Variants in IL1RAPL2 observed in about 807,000 individuals in gnomAD.
IL1RAPL2 encodes the protein X-linked interleukin-1 receptor accessory protein-like 2.
A neutral mutation model predicts 44.1 loss-of-function variants in IL1RAPL2; 3 were observed. That is an observed-to-expected ratio of 0.07 (90% CI 0.03 to 0.18). The LOEUF is 0.18. Among genes scored for constraint, IL1RAPL2 ranks in the 10% least tolerant of loss-of-function variants. IL1RAPL2 has a pLI of 1.00. For missense variants in IL1RAPL2, 391 were observed against 496.4 expected (o/e 0.79, Z 2.02); for synonymous variants, 181 against 178.8 (o/e 1.01, Z -0.10).
chrX:105,037,896 C>T (rs16984608), intron 2 of IL1RAPL2, among the ~76,000 whole-genome samples: 7,018 of 111,231 alleles, frequency 0.063, 602 homozygotes, highest in African/African-American at 0.22. Context: ...CTTTTGAACA[C>T]AACTAGAGGA....
At chrX:104,699,482 C>T (rs961278859) in intron 2 of IL1RAPL2, among the ~76,000 whole-genome samples, 3 of 111,550 alleles carry the variant, frequency 2.7e-5, no homozygotes, top group Non-Finnish European at 5.6e-5. Context: ...TGACAGGAGG[C>T]GGAGTTCAGG....
chrX:105,065,016 A>G (rs981210513), intron 2 of IL1RAPL2, among the ~76,000 whole-genome samples: 2 of 112,615 alleles, frequency 1.8e-5, no homozygotes, highest in African/African-American at 6.5e-5. Flanking sequence ...TACTGACACT[A>G]AATAATTTTA....
In IL1RAPL2 at chrX:105,293,274, G is replaced by A. The variant is rs918563180; in HGVS notation, c.697+25733G>A. 2.7e-5 allele frequency among the ~76,000 whole-genome samples: 3 copies of A among 111,856 alleles called. No homozygotes were observed. In the East Asian group the frequency reaches 8.4e-4, roughly 31 times the overall value. On this transcript the variant is annotated intron_variant, in intron 5 of 10. Coordinates refer to ENST00000372582, the MANE Select transcript of IL1RAPL2 (RefSeq NM_017416.2). ...TTTTATACACATAGGCAGTGTTCGT[G>A]CAACTGTCCTGTGACTTGGTTTTTG...
chrX:105,745,752 T>C (rs927261667), intron 8 of IL1RAPL2, among the ~76,000 whole-genome samples: 1 of 111,349 alleles, frequency 9.0e-6, no homozygotes, highest in East Asian at 2.8e-4. Context: ...GGCTCAGTCA[T>C]AGCACACTGC....
At chrX:105,320,032 T>G (rs1306976013) in intron 5 of IL1RAPL2, among the ~76,000 whole-genome samples, 1 of 110,949 alleles carries the variant, frequency 9.0e-6, no homozygotes, top group Non-Finnish European at 1.9e-5. Flanking sequence ...GTGTACAGAC[T>G]TATATAAGGT....
At chrX:105,062,511 C>T (rs1189024401) in intron 2 of IL1RAPL2, among the ~76,000 whole-genome samples, 1 of 111,395 alleles carries the variant, frequency 9.0e-6, no homozygotes, top group East Asian at 2.8e-4. Flanking sequence ...TGTCTTTGTA[C>T]TTACTATTAC....
At chrX:105,241,445 T>G (rs1160963362) in intron 4 of IL1RAPL2, among the ~76,000 whole-genome samples, 1 of 111,729 alleles carries the variant, frequency 9.0e-6, no homozygotes, top group Non-Finnish European at 1.9e-5. Flanking sequence ...CAAAAATCTT[T>G]CATTATTCTT....
rs778181172 is a variant in IL1RAPL2 at position 105,296,254 on chromosome X, C to T, written c.697+28713C>T. Among the ~76,000 whole-genome samples, 3 of 110,870 alleles carry T rather than the reference C, an allele frequency of 2.7e-5. No individual in the cohort carries two copies. The East Asian group carries it at 8.5e-4, about 31-fold the overall frequency. On this transcript the variant is annotated intron_variant, in intron 5 of 10. Coordinates refer to ENST00000372582, the MANE Select transcript of IL1RAPL2 (RefSeq NM_017416.2). The stretch of plus-strand genomic sequence containing the variant: ...TAGAATATATGCATTTTTCACTCTA[C>T]TATACCTTTGTTCATGCTAATCCCC...
intron 2 of IL1RAPL2, among the ~76,000 whole-genome samples, chrX:104,661,749 G>A (rs1460933676): frequency 8.9e-6 from 1 of 111,806 alleles, no homozygotes; most frequent in African/African-American, 3.2e-5. Flanking sequence ...TGTAGCTTGT[G>A]AAGTCCTTTG....
At chrX:105,251,082 A>G (rs922538033) in intron 4 of IL1RAPL2, among the ~76,000 whole-genome samples, 6 of 111,063 alleles carry the variant, frequency 5.4e-5, no homozygotes, top group African/African-American at 2.0e-4. Flanking sequence ...ATTCTAAATG[A>G]ATTGTAAAGA....
At position 105,452,260 on chromosome X, in the gene IL1RAPL2, A is replaced by G. The variant is rs147253920; in HGVS notation, c.698-32053A>G. 1.8e-4 allele frequency among the ~76,000 whole-genome samples: 20 copies of G among 111,775 alleles called. No homozygotes were observed. The East Asian group carries it at 4.5e-3, about 25-fold the overall frequency. On this transcript the variant is annotated intron_variant, in intron 5 of 10. Transcript: ENST00000372582. ...ACCAATTTTAGAACCAAATAAAACT[A>G]TGTATTATTTTTGAGACCGTTTATC...
At chrX:105,357,984 A>C (rs1439059302) in intron 5 of IL1RAPL2, among the ~76,000 whole-genome samples, 1 of 95,857 alleles carries the variant, frequency 1.0e-5, no homozygotes, top group Non-Finnish European at 2.1e-5. Context: ...GCAGTGAGCT[A>C]TGATTGTACC....
At chrX:104,585,334 T>A (rs1045090345) in intron 1 of IL1RAPL2, among the ~76,000 whole-genome samples, 1 of 16,679 alleles carries the variant, frequency 6.0e-5, no homozygotes, top group Non-Finnish European at 8.1e-5. Flanking sequence ...ATATAATATA[T>A]ATTATATATT....
At chrX:104,635,922 A>C (rs1007306469) in intron 1 of IL1RAPL2, among the ~76,000 whole-genome samples, 1 of 111,453 alleles carries the variant, frequency 9.0e-6, no homozygotes, top group Non-Finnish European at 1.9e-5. Context: ...AGGCACTCTG[A>C]TTTTTAGAGT....
At chrX:105,141,956 C>T (rs185398919) in intron 2 of IL1RAPL2, among the ~76,000 whole-genome samples, 1 of 112,129 alleles carries the variant, frequency 8.9e-6, no homozygotes, top group African/African-American at 3.2e-5. Flanking sequence ...ATTACACTGT[C>T]AAATGGAAAC....
At chrX:104,940,843 C>T (rs747318972) in intron 2 of IL1RAPL2, among the ~76,000 whole-genome samples, 61 of 107,453 alleles carry the variant, frequency 5.7e-4, no homozygotes, top group African/African-American at 1.9e-3. Context: ...TCATCATTTA[C>T]ATTAGGTATA....
intron 5 of IL1RAPL2, among the ~76,000 whole-genome samples, chrX:105,288,690 G>A (rs2147667529): frequency 9.1e-6 from 1 of 110,247 alleles, no homozygotes; most frequent in Non-Finnish European, 1.9e-5. Context: ...AAAAATATGT[G>A]TAGCCCTAAA....
chrX:104,631,798 T>C lies in IL1RAPL2; in HGVS notation c.-19-27097T>C, dbSNP rs1319287279. 2.7e-5 allele frequency among the ~76,000 whole-genome samples: 3 copies of C among 111,053 alleles called. No homozygotes were observed. The East Asian group carries it at 8.4e-4, about 31-fold the overall frequency. On this transcript the variant is annotated intron_variant, in intron 1 of 10. Coordinates refer to ENST00000372582, the MANE Select transcript of IL1RAPL2 (RefSeq NM_017416.2). Reference sequence around the variant, plus strand: ...TTCTCCCATTCTGTAGGTTGCCTGTTCACTCTGATGGTAGTTTCTTTTGCT... The same window carrying C: ...TTCTCCCATTCTGTAGGTTGCCTGTCCACTCTGATGGTAGTTTCTTTTGCT...
intron 1 of IL1RAPL2, among the ~76,000 whole-genome samples, chrX:104,585,946 T>TATA (rs1256937134): frequency 9.0e-6 from 1 of 111,240 alleles, no homozygotes. Flanking sequence ...TTATATTCCT[T>TATA]TGAGTGTGTA....
Sources: gnomAD v4.1 joint callset for allele counts (sites outside exome capture counted in the v4.1 genomes callset) on GRCh38, gnomAD v4.1.1 for gene constraint, MANE v1.5 for transcripts, NCBI Gene and HGNC (gene_info 2026-07-23, HGNC 2026-07-21) for gene names.